Variants in CDH18 observed in about 807,000 individuals in gnomAD.
CDH18 encodes the protein cadherin-18.
CDH18 carries 31 observed loss-of-function variants against 67.9 expected under a neutral mutation model. The observed-to-expected ratio is 0.46, with a 90% CI of 0.34 to 0.62. The LOEUF (loss-of-function observed/expected upper bound fraction) is 0.62. Among genes scored for constraint, CDH18 ranks in the 20% least tolerant of loss-of-function variants. CDH18 has a pLI of 0.01. For synonymous variants in CDH18, 362 were observed against 347.2 expected, an observed-to-expected ratio of 1.04 and a Z score of -0.48; for missense variants, 890 against 975.5, an observed-to-expected ratio of 0.91 and a Z score of 1.17.
intron 6 of CDH18, among the ~76,000 whole-genome samples, chr5:19,603,378 TAAAC>T (rs1747479224): frequency 6.6e-6 from 1 of 152,088 alleles, no homozygotes; most frequent in Admixed American, 6.6e-5. Context: ...AAGTACCCAT[TAAAC>T]AATGGGTACA....
intron 2 of CDH18, among the ~76,000 whole-genome samples, chr5:20,103,562 A>T (rs1315249392): frequency 1.5e-5 from 2 of 131,330 alleles, no homozygotes; most frequent in East Asian, 2.3e-4. Context: ...TGTCTCTACT[A>T]AAAATACAAA....
chr5:20,529,287 A>G lies in CDH18; in HGVS notation c.-580+46175T>C, dbSNP rs558419921. Among the ~76,000 whole-genome samples the G allele has an allele frequency of 4.6e-5, 7 of 152,062 alleles. No homozygotes were observed. The East Asian group carries it at 1.4e-3, about 29-fold the overall frequency. ...AATGGGGAAAAAAAAAAAGCCCAGAACCAGATGGATTTACAGCTGAATTCT... is the reference window on the plus strand; with the variant it reads ...AATGGGGAAAAAAAAAAAGCCCAGAGCCAGATGGATTTACAGCTGAATTCT... On this transcript the variant is annotated intron_variant, in intron 1 of 14. Transcript: ENST00000507958.
chr5:20,393,292 A>C (rs1256891245), intron 1 of CDH18, among the ~76,000 whole-genome samples: 1 of 151,938 alleles, frequency 6.6e-6, no homozygotes, highest in Non-Finnish European at 1.5e-5. Flanking sequence ...TTGCTCAATG[A>C]TTTATTTATA....
intron 1 of CDH18, among the ~76,000 whole-genome samples, chr5:20,555,944 C>A (rs1299459468): frequency 6.6e-6 from 1 of 152,092 alleles, no homozygotes; most frequent in Non-Finnish European, 1.5e-5. Flanking sequence ...TCAAACGGTT[C>A]TTCCCTTCTT....
intron 1 of CDH18, among the ~76,000 whole-genome samples, chr5:20,284,719 CT>C (rs1746551770): frequency 6.6e-6 from 1 of 151,842 alleles, no homozygotes; most frequent in Admixed American, 6.6e-5. Context: ...CAAGGGAATT[CT>C]TTTTTTAAAA....
At chr5:20,410,979 T>C (rs1429465236) in intron 1 of CDH18, among the ~76,000 whole-genome samples, 1 of 152,002 alleles carries the variant, frequency 6.6e-6, no homozygotes, top group African/African-American at 2.4e-5. Context: ...AGTGAGACGA[T>C]ATCCCATATT....
chr5:20,304,189 T>C, intron 1 of CDH18: 2 of 1,526,480 alleles, frequency 1.3e-6, no homozygotes, highest in Non-Finnish European at 9.1e-7. Context: ...AAACGTTATT[T>C]TTCCCTGTTG....
chr5:20,507,450 A>G (rs1185355881), intron 1 of CDH18, among the ~76,000 whole-genome samples: 1 of 152,214 alleles, frequency 6.6e-6, no homozygotes, highest in African/African-American at 2.4e-5. Flanking sequence ...TATGAAGATA[A>G]GGAATTCATA....
chr5:19,496,289 T>C (rs994675759), intron 11 of CDH18, among the ~76,000 whole-genome samples: 2 of 152,152 alleles, frequency 1.3e-5, no homozygotes, highest in Non-Finnish European at 2.9e-5. Flanking sequence ...TGGATTAAAG[T>C]GACTACAATC....
At chr5:19,515,469 C>A (rs1209651015) in intron 10 of CDH18, among the ~76,000 whole-genome samples, 2 of 152,116 alleles carry the variant, frequency 1.3e-5, no homozygotes, top group Admixed American at 6.5e-5. Context: ...TTGATTCTTC[C>A]TATCCATGAG....
At chr5:19,540,488 G>T (rs769163456) in intron 9 of CDH18, among the ~76,000 whole-genome samples, 1 of 152,124 alleles carries the variant, frequency 6.6e-6, no homozygotes, top group Non-Finnish European at 1.5e-5. Flanking sequence ...TGCACCTCAC[G>T]TTTCCCTTCT....
chr5:20,258,956 A>G (rs1744445293), intron 1 of CDH18, among the ~76,000 whole-genome samples: 1 of 152,148 alleles, frequency 6.6e-6, no homozygotes, highest in South Asian at 2.1e-4. Flanking sequence ...GAACCTAGGT[A>G]AGCCGTGTCC....
intron 2 of CDH18, among the ~76,000 whole-genome samples, chr5:20,030,590 A>G (rs1055502179): frequency 6.6e-6 from 1 of 152,174 alleles, no homozygotes; most frequent in African/African-American, 2.4e-5. Flanking sequence ...AGCAGAAAAC[A>G]AAAGAGAAAA....
intron 1 of CDH18, among the ~76,000 whole-genome samples, chr5:20,545,607 C>G (rs73048767): frequency 0.012 from 1,792 of 152,326 alleles, 34 homozygotes; most frequent in African/African-American, 0.041. Flanking sequence ...ACTGCTGGAG[C>G]TAGAGCAGCT....
chr5:19,745,071 T>C (rs1489160681), intron 4 of CDH18, among the ~76,000 whole-genome samples: 1 of 152,204 alleles, frequency 6.6e-6, no homozygotes, highest in African/African-American at 2.4e-5. Flanking sequence ...CTAATGAATA[T>C]GTTCTCTAAA....
intron 3 of CDH18, among the ~76,000 whole-genome samples, chr5:19,837,739 G>A (rs115829441): frequency 8.6e-4 from 131 of 152,136 alleles, no homozygotes; most frequent in African/African-American, 2.9e-3. Context: ...TTAGGGAAGC[G>A]CCACGGCTTA....
chr5:20,217,239 A>G (rs1740851508), intron 2 of CDH18, among the ~76,000 whole-genome samples: 2 of 151,930 alleles, frequency 1.3e-5, no homozygotes. Flanking sequence ...AAAACAGAAT[A>G]TTATAACACT....
chr5:19,490,543 T>C (rs1237316728), intron 11 of CDH18, among the ~76,000 whole-genome samples: 2 of 151,374 alleles, frequency 1.3e-5, no homozygotes, highest in African/African-American at 2.4e-5. Context: ...GCCTCCCAAG[T>C]AGCTGGGACT....
intron 2 of CDH18, among the ~76,000 whole-genome samples, chr5:20,043,210 TG>T (rs1740605197): frequency 6.6e-6 from 1 of 152,078 alleles, no homozygotes; most frequent in African/African-American, 2.4e-5. Flanking sequence ...AAATGTCCCC[TG>T]GGAGATAAAA....
Sources: allele counts gnomAD v4.1 joint callset (sites outside exome capture counted in the v4.1 genomes callset), GRCh38; gene constraint gnomAD v4.1.1; transcripts MANE v1.5; gene names NCBI Gene and HGNC (gene_info 2026-07-23, HGNC 2026-07-21).